Variants in NINJ2 observed in about 807,000 individuals in gnomAD.
NINJ2 encodes the protein ninjurin-2.
Under a neutral mutation model 11.7 loss-of-function variants are expected in NINJ2, and 12 were observed. The observed-to-expected ratio is 1.02, with a 90% CI of 0.66 to 1.66. NINJ2 has a LOEUF of 1.66. Ranked by LOEUF, NINJ2 falls within the 40% of genes most tolerant of loss-of-function variation. The pLI is 0.00. For missense variants in NINJ2, 187 were observed against 181.8 expected (o/e 1.03, Z -0.16); for synonymous variants, 93 against 76.8 (o/e 1.21, Z -1.10).
chr12:610,037 G>A (rs1565634250), intron 1 of NINJ2, among the ~76,000 whole-genome samples: 1 of 150,544 alleles, frequency 6.6e-6, no homozygotes, highest in Admixed American at 6.6e-5. Context: ...GATCCAAGTC[G>A]ATTCTGAGTC....
intron 1 of NINJ2, among the ~76,000 whole-genome samples, chr12:629,896 A>AAAAATATAT: frequency 1.4e-3 from 14 of 9,898 alleles, no homozygotes; most frequent in African/African-American, 2.0e-3. Context: ...AAAAAAAAAA[A>AAAAATATAT]ATATATATAT....
intron 1 of NINJ2, among the ~76,000 whole-genome samples, chr12:567,221 T>G: frequency 6.6e-6 from 1 of 151,540 alleles, no homozygotes; most frequent in Admixed American, 6.6e-5. Context: ...GACAGATACC[T>G]GCAGAGTGGG....
intron 1 of NINJ2, among the ~76,000 whole-genome samples, chr12:566,422 C>T (rs775143135): frequency 1.3e-5 from 2 of 152,188 alleles, no homozygotes; most frequent in Non-Finnish European, 2.9e-5. Flanking sequence ...CCCCTTCCCT[C>T]ACACCTTCAC....
chr12:631,524 C>A (rs1335281021), intron 1 of NINJ2, among the ~76,000 whole-genome samples: 2 of 152,084 alleles, frequency 1.3e-5, no homozygotes, highest in Non-Finnish European at 2.9e-5. Context: ...CCACCACGCC[C>A]AGCTAATTTT....
intron 1 of NINJ2, among the ~76,000 whole-genome samples, chr12:606,668 C>T (rs539189940): frequency 8.7e-4 from 132 of 152,308 alleles, no homozygotes; most frequent in Non-Finnish European, 1.3e-3. Flanking sequence ...ACACTAGAAG[C>T]TACAATTCTA....
intron 1 of NINJ2, among the ~76,000 whole-genome samples, chr12:654,438 T>C (rs925878669): frequency 1.3e-5 from 2 of 151,440 alleles, no homozygotes; most frequent in African/African-American, 4.9e-5. Context: ...GGATAATTGC[T>C]TGAACCCGGG....
intron 1 of NINJ2, among the ~76,000 whole-genome samples, chr12:660,339 G>T (rs1592121942): frequency 7.0e-6 from 1 of 143,532 alleles, no homozygotes; most frequent in Admixed American, 6.9e-5. Context: ...AAGTTGTTAT[G>T]CTTTCTTTCT....
At chr12:632,695 A>AGATGGG (rs1275138497) in intron 1 of NINJ2, 1 of 148,952 alleles carries the variant, frequency 6.7e-6, no homozygotes, top group Non-Finnish European at 1.5e-5. Context: ...GGGGTAATGG[A>AGATGGG]GATGGGGGTG....
Position 637,491 on chromosome 12 carries a change from A to G in NINJ2, c.33+25837T>C, listed in dbSNP as rs192083711. Among the ~76,000 whole-genome samples, 220 of 151,042 alleles carry G rather than the reference A, an allele frequency of 1.5e-3. 1 individual carries two copies. The highest frequency in any genetic ancestry group is 5.1e-3 in the African/African-American group (211 of 41,102). On this transcript the variant is annotated intron_variant, in intron 1 of 3. Coordinates refer to ENST00000305108, the MANE Select transcript of NINJ2 (RefSeq NM_016533.6). ...CCCCGTCTCTACTAAAAATACAAAAATTAGCTGGGCATGGTGGCAGGCACC... is the reference window on the plus strand; with the variant it reads ...CCCCGTCTCTACTAAAAATACAAAAGTTAGCTGGGCATGGTGGCAGGCACC...
At chr12:593,913 A>C (rs1247584521) in intron 1 of NINJ2, among the ~76,000 whole-genome samples, 1 of 152,244 alleles carries the variant, frequency 6.6e-6, no homozygotes, top group African/African-American at 2.4e-5. Context: ...AAATAAAAGT[A>C]AAAAAGAAAT....
At chr12:651,333 G>A (rs560105674) in intron 1 of NINJ2, among the ~76,000 whole-genome samples, 3 of 152,242 alleles carry the variant, frequency 2.0e-5, no homozygotes, top group African/African-American at 7.2e-5. Context: ...GTGACCTGGG[G>A]GAAGGGGAAG....
chr12:584,273 C>A (rs1947602131), intron 1 of NINJ2, among the ~76,000 whole-genome samples: 1 of 152,224 alleles, frequency 6.6e-6, no homozygotes, highest in Non-Finnish European at 1.5e-5. Flanking sequence ...GGTGCGGTGG[C>A]TCACACCTTT....
chr12:566,214 C>T (rs1285647298), intron 1 of NINJ2, 36 bp from the exon 2 acceptor site: 2 of 1,560,146 alleles, frequency 1.3e-6, no homozygotes, highest in South Asian at 2.3e-5. Context: ...CCAAGGGGAG[C>T]TCTGGAAGGG....
At chr12:641,743 G>A (rs368669953) in intron 1 of NINJ2, among the ~76,000 whole-genome samples, 1 of 152,010 alleles carries the variant, frequency 6.6e-6, no homozygotes, top group Non-Finnish European at 1.5e-5. Context: ...TACTCGGGAG[G>A]CTGAGGGAGG....
chr12:625,061 C>G (rs943137104), intron 1 of NINJ2, among the ~76,000 whole-genome samples: 6 of 144,096 alleles, frequency 4.2e-5, no homozygotes, highest in African/African-American at 1.6e-4. Context: ...GTGATCGTGC[C>G]ACTGCACTCC....
In NINJ2 at chr12:581,810, G is replaced by C. The variant is rs1947560021; in HGVS notation, c.34-15632C>G. 6.6e-6 allele frequency among the ~76,000 whole-genome samples: 1 copy of C among 152,148 alleles called. No individual in the cohort carries two copies. Among genetic ancestry groups the C allele is most frequent in the Non-Finnish European group, 1.5e-5 (1 of 68,030 alleles). On this transcript the variant is annotated intron_variant, in intron 1 of 3. Coordinates refer to ENST00000305108, the MANE Select transcript of NINJ2 (RefSeq NM_016533.6). The surrounding 1 kb of genome is among the most constrained non-coding windows in gnomAD (Gnocchi z 4.9). Reference sequence around the variant, plus strand: ...TGAGAAGCTAGTATCTGGTGAAATAGGTGAGCTGCTGCCAAACTCAGCAAA... The same window carrying C: ...TGAGAAGCTAGTATCTGGTGAAATACGTGAGCTGCTGCCAAACTCAGCAAA...
At position 628,314 on chromosome 12, in the gene NINJ2, G is replaced by A. The variant is rs926718756; in HGVS notation, c.33+35014C>T. ...ATGAGGAGTCTTCCTAGAGGGGAAG[G>A]GGGAAGCCTCCTCATAGAGATCTCA... On this transcript the variant is annotated intron_variant, in intron 1 of 3. Coordinates refer to ENST00000305108, the MANE Select transcript of NINJ2 (RefSeq NM_016533.6). The surrounding 1 kb of genome is among the most constrained non-coding windows in gnomAD (Gnocchi z 4.4). Among the ~76,000 whole-genome samples the A allele has an allele frequency of 5.3e-5, 8 of 152,018 alleles. No homozygotes were observed. The highest frequency in any genetic ancestry group is 2.0e-4 in the Admixed American group (3 of 15,284).
At chr12:598,276 G>A (rs780848033) in intron 1 of NINJ2, among the ~76,000 whole-genome samples, 12 of 152,136 alleles carry the variant, frequency 7.9e-5, no homozygotes, top group Non-Finnish European at 1.5e-4. Context: ...CCTCCCCCTG[G>A]GCACCGAGGG....
At chr12:649,531 G>GTGTATATATATATATATA (rs139452771) in intron 1 of NINJ2, among the ~76,000 whole-genome samples, 3 of 127,694 alleles carry the variant, frequency 2.3e-5, no homozygotes, top group Non-Finnish European at 3.3e-5. Context: ...GTGTATATGT[G>GTGTATATATATATATATA]TATATATATA....
Sources: gnomAD v4.1 joint callset for allele counts (sites outside exome capture counted in the v4.1 genomes callset) on GRCh38, gnomAD v4.1.1 for gene constraint, Gnocchi (gnomAD v3.1) non-coding constraint, MANE v1.5 for transcripts, NCBI Gene and HGNC (gene_info 2026-07-23, HGNC 2026-07-21) for gene names.